The following ARAP2 variants were observed in gnomAD, a reference collection of about 807,000 sequenced individuals.
ARAP2 encodes the protein ArfGAP with RhoGAP domain, ankyrin repeat and PH domain 2, also known as arf-GAP with Rho-GAP domain, ANK repeat and PH domain-containing protein 2.
A neutral mutation model predicts 194.5 loss-of-function variants in ARAP2; 148 were observed. That is an observed-to-expected ratio of 0.76 (90% CI 0.67 to 0.87). ARAP2 has a LOEUF of 0.87. Ranked by LOEUF, ARAP2 falls within the 40% of genes least tolerant of loss-of-function variation. ARAP2 has a pLI of 0.00. For missense variants in ARAP2, 2,128 were observed against 1,989.7 expected (o/e 1.07, Z -1.32); for synonymous variants, 695 against 683.5 (o/e 1.02, Z -0.26).
intron 26 of ARAP2, among the ~76,000 whole-genome samples, chr4:36,108,536 T>G (rs572762661): frequency 1.3e-5 from 2 of 151,998 alleles, no homozygotes; most frequent in Non-Finnish European, 2.9e-5. Context: ...GTCAATATTA[T>G]AGACTAACTA....
At chr4:36,100,921 A>G (rs1209996647) in intron 27 of ARAP2, among the ~76,000 whole-genome samples, 2 of 151,974 alleles carry the variant, frequency 1.3e-5, no homozygotes, top group Non-Finnish European at 2.9e-5. Flanking sequence ...ATTCTCCTTT[A>G]TGTTATTTAT....
At chr4:36,185,544 T>A (rs1254245671) in intron 8 of ARAP2, among the ~76,000 whole-genome samples, 1 of 152,050 alleles carries the variant, frequency 6.6e-6, no homozygotes, top group Admixed American at 6.6e-5. Flanking sequence ...TATATAATAT[T>A]TATTGACTGC....
chr4:36,198,652 G>A (rs930962394), intron 6 of ARAP2, among the ~76,000 whole-genome samples: 2 of 152,234 alleles, frequency 1.3e-5, no homozygotes, highest in South Asian at 4.1e-4. Context: ...TTCCCCAAGA[G>A]TGCACAGATC....
At chr4:36,032,179 G>A (rs1181258731) in intron 5 of ARAP2, among the ~76,000 whole-genome samples, 1 of 152,144 alleles carries the variant, frequency 6.6e-6, no homozygotes, top group Non-Finnish European at 1.5e-5. Context: ...AAACATCAAG[G>A]CTAGGGGATA....
chr4:36,040,613 C>T (rs530455534), intron 5 of ARAP2, among the ~76,000 whole-genome samples: 3 of 152,158 alleles, frequency 2.0e-5, no homozygotes, highest in South Asian at 2.1e-4. Context: ...CAATTGTGAG[C>T]GAGATTGCCT....
chr4:36,041,116 T>C (rs892978008), intron 5 of ARAP2, among the ~76,000 whole-genome samples: 4 of 152,090 alleles, frequency 2.6e-5, no homozygotes, highest in Non-Finnish European at 5.9e-5. Context: ...ATAGTTCTCT[T>C]TATGTAATTT....
At chr4:36,241,154 TA>T (rs1325417119) in intron 1 of ARAP2, among the ~76,000 whole-genome samples, 1 of 152,218 alleles carries the variant, frequency 6.6e-6, no homozygotes, top group Admixed American at 6.5e-5. Flanking sequence ...AGCAGAATTT[TA>T]AAACTTTTGT....
intron 9 of ARAP2, among the ~76,000 whole-genome samples, chr4:36,169,437 A>G (rs955154420): frequency 6.6e-6 from 1 of 152,190 alleles, no homozygotes; most frequent in Admixed American, 6.5e-5. Flanking sequence ...ACAGAAAGTC[A>G]TAAAATGTCC....
chr4:36,184,501 A>G (rs775132302), intron 8 of ARAP2, among the ~76,000 whole-genome samples: 2 of 152,234 alleles, frequency 1.3e-5, no homozygotes, highest in Non-Finnish European at 2.9e-5. Flanking sequence ...AAATTTTTAT[A>G]CTGCCCCAAG....
intron 26 of ARAP2, among the ~76,000 whole-genome samples, chr4:36,108,027 C>CATG (rs1718881226): frequency 2.6e-5 from 4 of 151,422 alleles, no homozygotes; most frequent in Admixed American, 2.6e-4. Flanking sequence ...TTGTACAATA[C>CATG]ATTATTATTA....
chr4:36,044,071 T>C (rs765881944), intron 5 of ARAP2, among the ~76,000 whole-genome samples: 11 of 152,080 alleles, frequency 7.2e-5, no homozygotes, highest in African/African-American at 1.2e-4. Context: ...CTCAGAGGAA[T>C]AAGCAAATGA....
exon 6 of ARAP2, chr4:36,019,144 C>T (rs1019179102): frequency 2.7e-5 from 4 of 149,296 alleles, no homozygotes; most frequent in South Asian, 4.1e-4. Flanking sequence ...AGAAAGTTAC[C>T]TTTATCATAA....
At chr4:36,136,509 A>G (rs1447838272) in intron 19 of ARAP2, among the ~76,000 whole-genome samples, 1 of 151,766 alleles carries the variant, frequency 6.6e-6, no homozygotes, top group East Asian at 1.9e-4. Flanking sequence ...ATTTGAGCCT[A>G]GTCTATGACA....
At chr4:36,031,905 G>C (rs1307312922) in intron 5 of ARAP2, among the ~76,000 whole-genome samples, 1 of 152,040 alleles carries the variant, frequency 6.6e-6, no homozygotes, top group Non-Finnish European at 1.5e-5. Context: ...CTGACCTCAG[G>C]TGATCCACCC....
chr4:36,202,506 A>G (rs1560656192), intron 6 of ARAP2, among the ~76,000 whole-genome samples: 1 of 151,914 alleles, frequency 6.6e-6, no homozygotes, highest in Non-Finnish European at 1.5e-5. Flanking sequence ...AAAAAAAAAA[A>G]GGTACTCAAC....
intron 28 of ARAP2, 82 bp downstream of exon 28, chr4:36,091,799 A>G: frequency 1.4e-6 from 2 of 1,430,520 alleles, no homozygotes; most frequent in Non-Finnish European, 1.9e-6. Flanking sequence ...AGTGACTTCC[A>G]AGAGAGATGG....
At chr4:36,080,087 CAA>C in intron 31 of ARAP2, 127 bp downstream of exon 31, 1 of 666,546 alleles carries the variant, frequency 1.5e-6, no homozygotes, top group Non-Finnish European at 2.5e-6. Flanking sequence ...ATGAGAGAAT[CAA>C]AGTTTATGCC....
At chr4:36,149,173 T>C (rs1012464033) in intron 16 of ARAP2, among the ~76,000 whole-genome samples, 3 of 152,094 alleles carry the variant, frequency 2.0e-5, no homozygotes, top group Admixed American at 6.6e-5. Flanking sequence ...TAAAGTCATC[T>C]TCCTTTCTCC....
Position 36,124,929 on chromosome 4 carries a change from C to G in ARAP2, c.3679G>C (p.Ala1227Pro), listed in dbSNP as rs770670387. 3.1e-6 allele frequency: 5 copies of G among 1,610,560 alleles called. No individual in the cohort carries two copies. Among genetic ancestry groups the G allele is most frequent in the South Asian group, 1.1e-5 (1 of 90,776 alleles). The change falls in exon 22 of 33, where the codon GCA becomes CCA. Residue 1227 changes from alanine (A) to proline (P), a missense_variant. Transcript: ENST00000303965. ...DDKERIKKYG[A>P]FIRSLPGVNR... ...ACCCCTGGAAGAGAACGTATAAATG[C>G]TCCATATTTTTTAATTCTTTCCTTG...
Sources: allele counts gnomAD v4.1 joint callset (sites outside exome capture counted in the v4.1 genomes callset), GRCh38; gene constraint gnomAD v4.1.1; transcripts MANE v1.5; gene names NCBI Gene and HGNC (gene_info 2026-07-23, HGNC 2026-07-21).